PRKCB: variants seen among roughly 807,000 people sequenced by gnomAD.
PRKCB encodes protein kinase C beta type.
PRKCB carries 13 observed loss-of-function variants against 81.5 expected under a neutral mutation model. That is an observed-to-expected ratio of 0.16 (90% CI 0.10 to 0.25). PRKCB has a LOEUF of 0.25. Ranked by LOEUF, PRKCB falls within the 10% of genes least tolerant of loss-of-function variation. The pLI, the probability that PRKCB is intolerant of heterozygous loss-of-function variation, is 1.00. For synonymous variants in PRKCB, 335 were observed against 321.4 expected (o/e 1.04, Z -0.45); for missense variants, 509 against 875.7 (o/e 0.58, Z 5.29).
chr16:24,031,279 T>C (rs1965548446), intron 3 of PRKCB, among the ~76,000 whole-genome samples: 1 of 152,218 alleles, frequency 6.6e-6, no homozygotes, highest in African/African-American at 2.4e-5. Context: ...GGTTTTTCTC[T>C]CAGGGGTCAG....
chr16:24,128,679 G>T (rs997516646), intron 9 of PRKCB, among the ~76,000 whole-genome samples: 1 of 152,146 alleles, frequency 6.6e-6, no homozygotes, highest in Non-Finnish European at 1.5e-5. Context: ...GCATTCAAAC[G>T]TGTCATTCAC....
chr16:23,958,751 A>T, intron 2 of PRKCB, among the ~76,000 whole-genome samples: 25 of 105,188 alleles, frequency 2.4e-4, no homozygotes, highest in Admixed American at 4.9e-4. Flanking sequence ...ACTCCCTTCC[A>T]CCCCCTCTTC....
intron 16 of PRKCB, among the ~76,000 whole-genome samples, chr16:24,211,308 C>T (rs75459943): frequency 0.06 from 9,071 of 152,228 alleles, 642 homozygotes; most frequent in African/African-American, 0.17. Flanking sequence ...CATACGCTGT[C>T]TGTCTGTAGG....
At chr16:24,171,359 G>A (rs1176817494) in intron 10 of PRKCB, among the ~76,000 whole-genome samples, 1 of 152,190 alleles carries the variant, frequency 6.6e-6, no homozygotes, top group African/African-American at 2.4e-5. Flanking sequence ...CTCATGGCAT[G>A]GCGGCAGGCT....
chr16:24,172,948 G>A (rs1250792721), intron 11 of PRKCB, among the ~76,000 whole-genome samples: 2 of 152,132 alleles, frequency 1.3e-5, no homozygotes, highest in African/African-American at 4.8e-5. Context: ...AATAACTCTG[G>A]GAGGGAGATG....
intron 2 of PRKCB, among the ~76,000 whole-genome samples, chr16:23,927,108 T>G (rs1389686700): frequency 1.3e-5 from 2 of 152,146 alleles, no homozygotes; most frequent in South Asian, 2.1e-4. Context: ...GTGAGATATG[T>G]GCTGTGATGG....
chr16:23,915,631 G>A (rs1963725311), intron 2 of PRKCB, among the ~76,000 whole-genome samples: 1 of 133,178 alleles, frequency 7.5e-6, no homozygotes, highest in Non-Finnish European at 1.5e-5. Context: ...GGTGGAGGCT[G>A]CAGTGAGCTT....
chr16:24,147,621 T>C (rs1174627375), intron 9 of PRKCB, among the ~76,000 whole-genome samples: 1 of 152,204 alleles, frequency 6.6e-6, no homozygotes, highest in Non-Finnish European at 1.5e-5. Flanking sequence ...GACCAGGATC[T>C]AAAACTGAAT....
intron 2 of PRKCB, among the ~76,000 whole-genome samples, chr16:23,858,302 C>T (rs1203103020): frequency 4.1e-5 from 4 of 97,360 alleles, no homozygotes; most frequent in Non-Finnish European, 8.3e-5. Flanking sequence ...CAGGTCCATT[C>T]GAGTCAGACT....
At chr16:23,896,882 AACC>A (rs1963387040) in intron 2 of PRKCB, among the ~76,000 whole-genome samples, 3 of 140,106 alleles carry the variant, frequency 2.1e-5, no homozygotes, top group African/African-American at 8.4e-5. Context: ...CCATCCATCC[AACC>A]ATCCATCCAT....
At chr16:23,966,790 G>A (rs1964492494) in intron 2 of PRKCB, among the ~76,000 whole-genome samples, 1 of 152,180 alleles carries the variant, frequency 6.6e-6, no homozygotes, top group Admixed American at 6.5e-5. Flanking sequence ...GGTGTGCCAA[G>A]CCCTGTTCTG....
intron 2 of PRKCB, among the ~76,000 whole-genome samples, chr16:23,937,357 C>T (rs1316528827): frequency 6.6e-6 from 1 of 152,176 alleles, no homozygotes; most frequent in Non-Finnish European, 1.5e-5. Context: ...AGTGGAACCA[C>T]ACTGGTTTAC....
rs147259878 is a variant in PRKCB at position 24,218,679 on chromosome 16, G to T, written c.*3863G>T. 20 of 985,446 alleles carry T rather than the reference G, an allele frequency of 2.0e-5. No homozygotes were observed. Among genetic ancestry groups the T allele is most frequent in the Non-Finnish European group, 2.3e-5 (19 of 829,946 alleles). The allele number at this position is 985,446 out of a possible 1,614,324, so 61.0% of individuals were successfully genotyped here. A position where few individuals can be genotyped will look rare whatever the true frequency, so the allele number is the denominator to read the frequency against. On this transcript the variant is annotated 3_prime_UTR_variant, in exon 17 of 17. Coordinates refer to ENST00000643927, the MANE Select transcript of PRKCB (RefSeq NM_002738.7). ...GATCCTTAACAGCTAGTGCCCATTAGGGGGCTAAACCTAAAGCCTGGGTGG... is the reference window on the plus strand; with the variant it reads ...GATCCTTAACAGCTAGTGCCCATTATGGGGCTAAACCTAAAGCCTGGGTGG...
In PRKCB at chr16:23,836,274, G is replaced by A. The variant is rs751689932; in HGVS notation, c.99G>A (p.Glu33=). 5.0e-6 allele frequency: 8 copies of A among 1,605,224 alleles called. No individual in the cohort carries two copies. The African/African-American group carries it at 9.6e-5, about 19-fold the overall frequency. The change falls in exon 1 of 17, where the codon GAG becomes GAA. Residue 33 remains glutamate, a synonymous_variant. Coordinates refer to ENST00000643927, the MANE Select transcript of PRKCB (RefSeq NM_002738.7). ...KGALRQKNVH[E]VKNHKFTARF... is the part of the protein sequence containing the mutation. ...CCCTCCGGCAGAAGAACGTGCATGAGGTCAAGAACCACAAATTCACCGCCC... is the reference window on the plus strand; with the variant it reads ...CCCTCCGGCAGAAGAACGTGCATGAAGTCAAGAACCACAAATTCACCGCCC...
intron 5 of PRKCB, among the ~76,000 whole-genome samples, chr16:24,069,686 G>A (rs1170828648): frequency 6.6e-6 from 1 of 152,196 alleles, no homozygotes; most frequent in Non-Finnish European, 1.5e-5. Context: ...GCTGCAGTGA[G>A]TCGTGATTGC....
chr16:23,903,285 GC>G (rs1963511465), intron 2 of PRKCB, among the ~76,000 whole-genome samples: 2 of 144,394 alleles, frequency 1.4e-5, no homozygotes, highest in Non-Finnish European at 3.0e-5. Context: ...GTGTGTGTGT[GC>G]ACCCACGTGT....
At chr16:24,043,377 G>GC (rs1430563204) in intron 5 of PRKCB, among the ~76,000 whole-genome samples, 3 of 152,104 alleles carry the variant, frequency 2.0e-5, no homozygotes, top group Non-Finnish European at 4.4e-5. Flanking sequence ...TCATTGAAGA[G>GC]CAAAATGCCT....
At chr16:23,848,336 T>C (rs1962413669) in intron 2 of PRKCB, among the ~76,000 whole-genome samples, 1 of 152,080 alleles carries the variant, frequency 6.6e-6, no homozygotes, top group Admixed American at 6.5e-5. Flanking sequence ...AGGCCTGCAG[T>C]GATGGAAGTC....
chr16:23,837,841 C>T (rs1349346212), intron 2 of PRKCB, among the ~76,000 whole-genome samples: 2 of 152,178 alleles, frequency 1.3e-5, no homozygotes, highest in East Asian at 1.9e-4. Flanking sequence ...AGGTGGCTGC[C>T]GCTCCTCTGC....
Sources: allele counts gnomAD v4.1 joint callset (sites outside exome capture counted in the v4.1 genomes callset), GRCh38; gene constraint gnomAD v4.1.1; transcripts MANE v1.5; gene names NCBI Gene and HGNC (gene_info 2026-07-23, HGNC 2026-07-21).